The following ANKDD1B variants were observed in gnomAD, a reference collection of about 807,000 sequenced individuals.
The protein encoded by ANKDD1B is ankyrin repeat and death domain containing 1B.
A neutral mutation model predicts 59.7 loss-of-function variants in ANKDD1B; 57 were observed. That is an observed-to-expected ratio of 0.95 (90% CI 0.77 to 1.19). The LOEUF is 1.19. ANKDD1B is among the 50% of genes most tolerant of loss of function. ANKDD1B has a pLI of 0.00. For synonymous variants in ANKDD1B, 216 were observed against 239.5 expected (o/e 0.90, Z 0.91); for missense variants, 602 against 641.9 (o/e 0.94, Z 0.67).
intron 9 of ANKDD1B, among the ~76,000 whole-genome samples, chr5:75,658,356 G>T (rs1361705826): frequency 1.3e-5 from 2 of 152,168 alleles, no homozygotes; most frequent in Non-Finnish European, 2.9e-5. Context: ...AAGGAGTTGG[G>T]CTAGATCACA....
At chr5:75,616,630 T>C (rs1484542295) in intron 1 of ANKDD1B, among the ~76,000 whole-genome samples, 174 bp from the exon 2 acceptor site, 1 of 152,208 alleles carries the variant, frequency 6.6e-6, no homozygotes, top group Non-Finnish European at 1.5e-5. Context: ...GAGGAGAAAA[T>C]GAAATCTTGA....
At chr5:75,654,869 G>C (rs909049896) in intron 8 of ANKDD1B, among the ~76,000 whole-genome samples, 4 of 151,952 alleles carry the variant, frequency 2.6e-5, no homozygotes, top group African/African-American at 9.7e-5. Flanking sequence ...CACTCAGCTC[G>C]GCTCCGGATC....
Position 75,620,424 on chromosome 5 carries a change from C to A in ANKDD1B, c.396+11C>A, listed in dbSNP as rs1347937992. 4.7e-6 allele frequency: 7 copies of A among 1,474,060 alleles called. No individual in the cohort carries two copies. The highest frequency in any genetic ancestry group is 6.4e-6 in the Non-Finnish European group (7 of 1,091,968). 91.3% of individuals were successfully genotyped at this position (1,474,060 alleles called of 1,614,324 possible). A position where few individuals can be genotyped will look rare whatever the true frequency, so the allele number is the denominator to read the frequency against. On this transcript the variant is annotated intron_variant, in intron 3 of 13. Transcript: ENST00000601380. ...GATGTTGCTGATAAGGTAAGCTCAT[C>A]TTGAGTAGAACAAGTTGGAGCATAA...
chr5:75,623,425 G>A (rs930091738), intron 3 of ANKDD1B, among the ~76,000 whole-genome samples: 3 of 152,094 alleles, frequency 2.0e-5, no homozygotes, highest in Admixed American at 2.0e-4. Flanking sequence ...GACTTGTAGG[G>A]AACTCCAAAT....
Position 75,611,535 on chromosome 5 carries a change from G to C in ANKDD1B, c.-100G>C. ...TGACCTGCCTGCGTCCAGCCCCCGC[G>C]CCCTGGGCCTGCCTGGGTCTGGATC... On this transcript the variant is annotated 5_prime_UTR_variant, in exon 1 of 14. Coordinates refer to ENST00000601380, the MANE Select transcript of ANKDD1B (RefSeq NM_001276713.2). 9.9e-7 allele frequency: 1 copy of C among 1,007,990 alleles called. No homozygotes were observed. The highest frequency in any genetic ancestry group is 1.3e-6 in the Non-Finnish European group (1 of 784,954). 62.4% of individuals were successfully genotyped at this position (1,007,990 alleles called of 1,614,324 possible). A position where few individuals can be genotyped will look rare whatever the true frequency, so the allele number is the denominator to read the frequency against.
intron 7 of ANKDD1B, among the ~76,000 whole-genome samples, chr5:75,639,852 C>T (rs924108920): frequency 1.4e-4 from 22 of 152,220 alleles, no homozygotes; most frequent in Middle Eastern, 3.4e-3. Flanking sequence ...TAAACTCTTA[C>T]TTTGTCCTTC....
chr5:75,639,207 G>T (rs1774396185), intron 7 of ANKDD1B, among the ~76,000 whole-genome samples: 1 of 152,030 alleles, frequency 6.6e-6, no homozygotes, highest in African/African-American at 2.4e-5. Context: ...TTGTTTGTTG[G>T]TTTTTTGAGA....
chr5:75,653,298 A>G lies in ANKDD1B; in HGVS notation c.897+58A>G, dbSNP rs540078816. 2.9e-5 allele frequency: 35 copies of G among 1,201,698 alleles called. No homozygotes were observed. In the South Asian group the frequency reaches 3.2e-4, roughly 11 times the overall value. The allele number at this position is 1,201,698 out of a possible 1,614,324, so 74.4% of individuals were successfully genotyped here. A position where few individuals can be genotyped will look rare whatever the true frequency, so the allele number is the denominator to read the frequency against. ...CTGGCGCCGTGAGGTTGGCTGTGTCAGGGAGATGCCCCTTGCAGATACGTG... is the reference window on the plus strand; with the variant it reads ...CTGGCGCCGTGAGGTTGGCTGTGTCGGGGAGATGCCCCTTGCAGATACGTG... On this transcript the variant is annotated intron_variant, in intron 8 of 13. Transcript: ENST00000601380.
rs60748797 is a variant in ANKDD1B, at chr5:75,616,613, G to T, written c.194-191G>T. Among the ~76,000 whole-genome samples, 11 of 152,318 alleles carry T rather than the reference G, an allele frequency of 7.2e-5. No homozygotes were observed. In the East Asian group the frequency reaches 2.1e-3, roughly 29 times the overall value. ...CATTTTTAAGGATGTGAAAGCGCTT[G>T]CAGCATGAGGAGAAAATGAAATCTT... On this transcript the variant is annotated intron_variant, in intron 1 of 13. Coordinates refer to ENST00000601380, the MANE Select transcript of ANKDD1B (RefSeq NM_001276713.2).
chr5:75,664,855 A>G (rs1270262574), intron 11 of ANKDD1B, among the ~76,000 whole-genome samples: 3 of 152,206 alleles, frequency 2.0e-5, no homozygotes, highest in Admixed American at 6.5e-5. Context: ...TCCGGTGACA[A>G]TTGGGGTCCT....
chr5:75,617,035 G>C, intron 2 of ANKDD1B, 128 bp downstream of exon 2: 1 of 513,656 alleles, frequency 1.9e-6, no homozygotes. Flanking sequence ...CTGCTTTGTT[G>C]GTAATCCCGG....
At chr5:75,648,377 G>A (rs1003418256) in intron 7 of ANKDD1B, among the ~76,000 whole-genome samples, 1 of 151,750 alleles carries the variant, frequency 6.6e-6, no homozygotes, top group African/African-American at 2.4e-5. Flanking sequence ...GTCCCCAGTC[G>A]GTATCCCCCT....
intron 8 of ANKDD1B, among the ~76,000 whole-genome samples, chr5:75,654,464 CAG>C (rs1451416619): frequency 6.6e-6 from 1 of 152,120 alleles, no homozygotes; most frequent in South Asian, 2.1e-4. Flanking sequence ...GTGTTTAAAA[CAG>C]AGTATAAACT....
intron 1 of ANKDD1B, among the ~76,000 whole-genome samples, chr5:75,614,227 C>T (rs1033558067): frequency 3.9e-5 from 6 of 152,098 alleles, no homozygotes; most frequent in African/African-American, 9.7e-5. Context: ...TTCTCCAAGC[C>T]CCAATTCCCA....
chr5:75,652,109 C>G (rs191542117), intron 7 of ANKDD1B, among the ~76,000 whole-genome samples: 1 of 152,334 alleles, frequency 6.6e-6, no homozygotes, highest in Admixed American at 6.5e-5. Flanking sequence ...GATACTGATG[C>G]AGCAATTGCG....
At chr5:75,616,178 C>A (rs933049215) in intron 1 of ANKDD1B, among the ~76,000 whole-genome samples, 1 of 152,154 alleles carries the variant, frequency 6.6e-6, no homozygotes, top group African/African-American at 2.4e-5. Context: ...ACAAAAAACT[C>A]AATAAACCCT....
chr5:75,613,339 G>A (rs953551834), intron 1 of ANKDD1B, among the ~76,000 whole-genome samples: 1 of 152,210 alleles, frequency 6.6e-6, no homozygotes, highest in Non-Finnish European at 1.5e-5. Flanking sequence ...TGATCCACTG[G>A]AGAGAGATTA....
At chr5:75,640,787 A>G (rs1331525150) in intron 7 of ANKDD1B, among the ~76,000 whole-genome samples, 1 of 152,182 alleles carries the variant, frequency 6.6e-6, no homozygotes, top group African/African-American at 2.4e-5. Context: ...ACATTGATCC[A>G]CTCACTGGTA....
At chr5:75,616,299 T>C (rs1773714510) in intron 1 of ANKDD1B, among the ~76,000 whole-genome samples, 1 of 152,250 alleles carries the variant, frequency 6.6e-6, no homozygotes, top group Admixed American at 6.5e-5. Context: ...TTTATATAAA[T>C]GAGAATAAAA....
Sources: allele counts gnomAD v4.1 joint callset (sites outside exome capture counted in the v4.1 genomes callset), GRCh38; gene constraint gnomAD v4.1.1; transcripts MANE v1.5; gene names NCBI Gene and HGNC (gene_info 2026-07-23, HGNC 2026-07-21).